Variants in SLC15A5 observed in about 807,000 individuals in gnomAD.
The protein encoded by SLC15A5 is Peptide/histidine transporter ENSP00000340402.
SLC15A5 carries 58 observed loss-of-function variants against 56.1 expected under a neutral mutation model. The ratio of observed to expected loss-of-function variants is 1.03; its 90% CI spans 0.84 to 1.29. The LOEUF (loss-of-function observed/expected upper bound fraction) is 1.29, where lower values mean the gene tolerates loss of function less well. Among genes scored for constraint, SLC15A5 ranks in the 50% most tolerant of loss-of-function variants. The pLI is 0.00. For synonymous variants in SLC15A5, 264 were observed against 250.5 expected, an observed-to-expected ratio of 1.05 and a Z score of -0.51; for missense variants, 681 against 672.1, an observed-to-expected ratio of 1.01 and a Z score of -0.15.
chr12:16,258,164 A>T (rs1480627573), intron 2 of SLC15A5, among the ~76,000 whole-genome samples: 1 of 152,140 alleles, frequency 6.6e-6, no homozygotes, highest in Non-Finnish European at 1.5e-5. Context: ...ATAGATAGTA[A>T]ATATTTTAGG....
At chr12:16,207,066 G>A (rs1239122605) in intron 7 of SLC15A5, among the ~76,000 whole-genome samples, 1 of 152,146 alleles carries the variant, frequency 6.6e-6, no homozygotes, top group Non-Finnish European at 1.5e-5. Context: ...AACTGTAATT[G>A]TAATAGCATT....
intron 5 of SLC15A5, among the ~76,000 whole-genome samples, chr12:16,228,293 ATATC>A (rs1864262124): frequency 6.6e-6 from 1 of 152,224 alleles, no homozygotes; most frequent in African/African-American, 2.4e-5. Context: ...ACAGCAGAGA[ATATC>A]TAAGCAGTGC....
At chr12:16,260,938 A>C (rs1864637646) in intron 2 of SLC15A5, among the ~76,000 whole-genome samples, 1 of 152,118 alleles carries the variant, frequency 6.6e-6, no homozygotes, top group Non-Finnish European at 1.5e-5. Flanking sequence ...CTTTTGTTGA[A>C]AATCAATTGA....
At chr12:16,197,912 G>A (rs1863911028) in intron 7 of SLC15A5, among the ~76,000 whole-genome samples, 1 of 152,064 alleles carries the variant, frequency 6.6e-6, no homozygotes, top group South Asian at 2.1e-4. Flanking sequence ...GACATTTCCA[G>A]TAGCTGATTG....
At chr12:16,217,443 A>C (rs886426436) in intron 6 of SLC15A5, among the ~76,000 whole-genome samples, 12 of 152,152 alleles carry the variant, frequency 7.9e-5, no homozygotes, top group Non-Finnish European at 1.3e-4. Context: ...AATTTGCATC[A>C]AGGTTAAGAG....
intron 5 of SLC15A5, among the ~76,000 whole-genome samples, chr12:16,228,128 G>A (rs1268640075): frequency 6.6e-6 from 1 of 152,146 alleles, no homozygotes; most frequent in Non-Finnish European, 1.5e-5. Context: ...TGAGTTGGAG[G>A]TACAAAGCCG....
At position 16,243,066 on chromosome 12, in the gene SLC15A5, T is replaced by C. The variant is rs752435860; in HGVS notation, c.975+1514A>G. Among the ~76,000 whole-genome samples, 5 of 152,170 alleles carry C rather than the reference T, an allele frequency of 3.3e-5. No individual in the cohort carries two copies. Among genetic ancestry groups the C allele is most frequent in the Non-Finnish European group, 5.9e-5 (4 of 68,034 alleles). On this transcript the variant is annotated intron_variant, in intron 4 of 8. Transcript: ENST00000344941. This position sits in a 1 kb window ranked among gnomAD's most constrained non-coding sequence, Gnocchi z 4.4. ...GCCAGATAGTAAATATGTCCACATA[T>C]GGGTTCCGTGGCAATTACTCAACTC...
intron 5 of SLC15A5, among the ~76,000 whole-genome samples, chr12:16,232,526 G>A (rs1201099696): frequency 2.0e-5 from 3 of 152,138 alleles, no homozygotes; most frequent in Non-Finnish European, 4.4e-5. Context: ...CTTTACCAAA[G>A]TACAATAAGA....
rs1327295555 is a variant in SLC15A5, at chr12:16,269,379, C to A, written c.584+3182G>T. Among the ~76,000 whole-genome samples, 1 of 152,144 alleles carries A rather than the reference C, an allele frequency of 6.6e-6. No individual in the cohort carries two copies. The highest frequency in any genetic ancestry group is 2.4e-5 in the African/African-American group (1 of 41,432). The stretch of plus-strand genomic sequence containing the variant: ...CTTTAAAAAATCCTGGTCCCTGGAT[C>A]CTACCTCTAACCAATGTAATCAGAA... On this transcript the variant is annotated intron_variant, in intron 2 of 8. Transcript: ENST00000344941. This position sits in a 1 kb window ranked among gnomAD's most constrained non-coding sequence, Gnocchi z 4.7.
At chr12:16,232,245 T>C (rs539643789) in intron 5 of SLC15A5, among the ~76,000 whole-genome samples, 1 of 152,194 alleles carries the variant, frequency 6.6e-6, no homozygotes, top group African/African-American at 2.4e-5. Context: ...AGCAGAAAAT[T>C]TGCAGGATGA....
intron 2 of SLC15A5, among the ~76,000 whole-genome samples, chr12:16,265,553 A>T (rs1037585703): frequency 2.9e-4 from 44 of 152,146 alleles, no homozygotes; most frequent in African/African-American, 9.2e-4. Context: ...ACCTTGACTC[A>T]CTGCAGCCTT....
At chr12:16,255,064 C>A (rs1388935994) in intron 3 of SLC15A5, among the ~76,000 whole-genome samples, 2 of 152,024 alleles carry the variant, frequency 1.3e-5, no homozygotes, top group South Asian at 2.1e-4. Flanking sequence ...GATTACTATA[C>A]CTTATATGTA....
chr12:16,252,193 A>C (rs1316294947), intron 3 of SLC15A5, among the ~76,000 whole-genome samples: 1 of 151,976 alleles, frequency 6.6e-6, no homozygotes, highest in Admixed American at 6.6e-5. Flanking sequence ...TGAATATCCC[A>C]CCGCTGACAT....
intron 4 of SLC15A5, among the ~76,000 whole-genome samples, chr12:16,242,672 T>G (rs1864424211): frequency 6.6e-6 from 1 of 152,208 alleles, no homozygotes; most frequent in Non-Finnish European, 1.5e-5. Flanking sequence ...AAAAATTAGT[T>G]TATCAAAATT....
intron 7 of SLC15A5, among the ~76,000 whole-genome samples, chr12:16,213,649 G>A (rs746465708): frequency 6.6e-6 from 1 of 152,032 alleles, no homozygotes; most frequent in Non-Finnish European, 1.5e-5. Flanking sequence ...GTGATTTATT[G>A]GGATTATAAT....
rs151116125 is a variant in SLC15A5, at chr12:16,269,670, G to T, written c.584+2891C>A. Among the ~76,000 whole-genome samples the T allele has an allele frequency of 6.6e-6, 1 of 152,136 alleles. No homozygotes were observed. Among genetic ancestry groups the T allele is most frequent in the Non-Finnish European group, 1.5e-5 (1 of 68,034 alleles). On this transcript the variant is annotated intron_variant, in intron 2 of 8. Transcript: ENST00000344941. The surrounding 1 kb of genome is among the most constrained non-coding windows in gnomAD (Gnocchi z 4.7). ...GTACCAGATAGTCAACATTTCTGGG[G>T]TGAAATAAGTCAGTCTCTAGACTTT...
Position 16,257,791 on chromosome 12 carries a change from G to A in SLC15A5, c.664C>T (p.Leu222Phe), listed in dbSNP as rs867254815. 2.0e-6 allele frequency: 3 copies of A among 1,531,662 alleles called. No individual in the cohort carries two copies. The African/African-American group carries it at 4.1e-5, about 21-fold the overall frequency. 94.9% of individuals were successfully genotyped at this position (1,531,662 alleles called of 1,614,324 possible). The part of the protein sequence containing the change: ...SYIQHSQAWA[L>F]VLLIPFMSML... ...GACATAAAAGGAATAAGTAAAACAAGGGCCCAGGCCTGTGAGTGCTGGATG... is the reference window on the plus strand; with the variant it reads ...GACATAAAAGGAATAAGTAAAACAAAGGCCCAGGCCTGTGAGTGCTGGATG... The change falls in exon 3 of 9, where the codon CTT becomes TTT. Residue 222 changes from leucine (L) to phenylalanine (F), a missense_variant. Coordinates refer to ENST00000344941, the MANE Select transcript of SLC15A5 (RefSeq NM_001170798.1).
intron 7 of SLC15A5, among the ~76,000 whole-genome samples, chr12:16,197,142 C>G (rs1306310237): frequency 6.6e-6 from 1 of 151,690 alleles, no homozygotes. Context: ...CGTATTCAAA[C>G]TTTCTATAAT....
rs1864831912 is a variant in SLC15A5 at position 16,277,458 on chromosome 12, A to AT, written c.227dup (p.Asn76LysfsTer27). ...ACAAGTTTAAGATGGCTGCTTGGCA[A>AT]TTGTGATAGCCAAGCTTGATAGTGC... is the stretch of plus-strand genomic sequence containing the variant. On this transcript the variant is annotated frameshift_variant, in exon 1 of 9. Transcript: ENST00000344941. LOFTEE classifies it high-confidence loss of function. 1.3e-6 allele frequency: 2 copies of AT among 1,536,566 alleles called. No individual in the cohort carries two copies. Among genetic ancestry groups the AT allele is most frequent in the Non-Finnish European group, 1.7e-6 (2 of 1,146,442 alleles).
Sources: gnomAD v4.1 joint callset for allele counts (sites outside exome capture counted in the v4.1 genomes callset) on GRCh38, gnomAD v4.1.1 for gene constraint, Gnocchi (gnomAD v3.1) non-coding constraint, MANE v1.5 for transcripts, NCBI Gene and HGNC (gene_info 2026-07-23, HGNC 2026-07-21) for gene names.